TJP2: variants seen among roughly 807,000 people sequenced by gnomAD.
The protein encoded by TJP2 is tight junction protein 2, also known as Friedreich ataxia region gene X104 (tight junction protein ZO-2).
Under a neutral mutation model 133.1 loss-of-function variants are expected in TJP2, and 91 were observed. That is an observed-to-expected ratio of 0.68 (90% confidence interval 0.58 to 0.81). The LOEUF (loss-of-function observed/expected upper bound fraction) is 0.81, where lower values mean the gene tolerates loss of function less well. Ranked by LOEUF, TJP2 falls within the 40% of genes least tolerant of loss-of-function variation. The pLI is 0.00. For missense variants in TJP2, 1,541 were observed against 1,565.6 expected (o/e 0.98, Z 0.26); for synonymous variants, 592 against 583.4 (o/e 1.01, Z -0.21).
At chr9:69,226,261 T>A in intron 7 of TJP2, 86 bp downstream of exon 7, 1 of 1,491,932 alleles carries the variant, frequency 6.7e-7, no homozygotes, top group Non-Finnish European at 9.2e-7. Context: ...GCTATCCAGC[T>A]GGAAGTTAAA....
chr9:69,249,590 A>T, intron 20 of TJP2, 105 bp downstream of exon 20: 1 of 1,544,556 alleles, frequency 6.5e-7, no homozygotes, highest in South Asian at 1.2e-5. Flanking sequence ...GTGTTTAATT[A>T]CGGTTCTGAC....
chr9:69,230,691 G>T (rs531698332), intron 11 of TJP2, among the ~76,000 whole-genome samples: 1 of 152,140 alleles, frequency 6.6e-6, no homozygotes, highest in African/African-American at 2.4e-5. Flanking sequence ...CTGTGACCCT[G>T]GTTCACCCTG....
chr9:69,233,481 C>A (rs1037788058), intron 11 of TJP2, among the ~76,000 whole-genome samples: 3 of 152,090 alleles, frequency 2.0e-5, no homozygotes, highest in Admixed American at 6.6e-5. Context: ...CTGAAAGATA[C>A]AGAACTATGG....
At chr9:69,224,609 AG>A (rs1223002646) in intron 5 of TJP2, among the ~76,000 whole-genome samples, 7 of 152,216 alleles carry the variant, frequency 4.6e-5, no homozygotes, top group East Asian at 3.9e-4. Context: ...CCTGGGAGGC[AG>A]AGGTTGCAGT....
intron 2 of TJP2, among the ~76,000 whole-genome samples, chr9:69,164,487 G>A (rs1824245049): frequency 6.6e-6 from 1 of 152,082 alleles, no homozygotes; most frequent in Admixed American, 6.6e-5. Context: ...TATTTTGGGG[G>A]TGAAGGGAGC....
At chr9:69,157,673 A>G (rs1298444696) in intron 2 of TJP2, among the ~76,000 whole-genome samples, 1 of 152,050 alleles carries the variant, frequency 6.6e-6, no homozygotes, top group Non-Finnish European at 1.5e-5. Flanking sequence ...CATTTTGGCC[A>G]GGCTCTAACT....
intron 5 of TJP2, among the ~76,000 whole-genome samples, chr9:69,223,045 G>A (rs1045315805): frequency 5.5e-5 from 6 of 108,218 alleles, no homozygotes; most frequent in Non-Finnish European, 1.2e-4. Context: ...CTCCAGCCTG[G>A]GTGACAGAGC....
At chr9:69,173,971 A>AGGCG, upstream of TJP2, 1 of 985,204 alleles carries the variant, frequency 1.0e-6, no homozygotes. Context: ...GGAGGGGTGC[A>AGGCG]GGCGTGGGGG....
chr9:69,249,334 C>T, intron 19 of TJP2, 41 bp from the exon 20 acceptor site: 4 of 1,570,790 alleles, frequency 2.5e-6, no homozygotes, highest in Non-Finnish European at 3.5e-6. Flanking sequence ...GTTCTCTCTG[C>T]TTGGATGTTC....
chr9:69,197,580 A>G (rs1826678500), intron 1 of TJP2, among the ~76,000 whole-genome samples: 1 of 152,164 alleles, frequency 6.6e-6, no homozygotes, highest in African/African-American at 2.4e-5. Flanking sequence ...CTTACTTGGG[A>G]GTGGTCAGCT....
At chr9:69,160,482 T>C (rs529334999) in intron 2 of TJP2, among the ~76,000 whole-genome samples, 1 of 152,310 alleles carries the variant, frequency 6.6e-6, no homozygotes, top group South Asian at 2.1e-4. Context: ...TTCACTACTC[T>C]AGGAATGTGG....
At chr9:69,181,904 T>G (rs1374048603) in intron 1 of TJP2, among the ~76,000 whole-genome samples, 1 of 152,186 alleles carries the variant, frequency 6.6e-6, no homozygotes, top group Non-Finnish European at 1.5e-5. Context: ...TGGATTCTCT[T>G]CCTTACTTTG....
intron 15 of TJP2, 103 bp from the exon 16 acceptor site, chr9:69,238,607 C>T: frequency 2.3e-6 from 2 of 869,896 alleles, no homozygotes; most frequent in South Asian, 1.4e-5. Flanking sequence ...TGTTAGGAGA[C>T]ACTTAATGTC....
intron 1 of TJP2, among the ~76,000 whole-genome samples, chr9:69,193,795 C>T (rs558206399): frequency 6.6e-6 from 1 of 151,230 alleles, no homozygotes; most frequent in Non-Finnish European, 1.5e-5. Context: ...TACAGGAAAC[C>T]TCACCTTTCC....
At chr9:69,205,873 C>T (rs1563907520) in intron 1 of TJP2, among the ~76,000 whole-genome samples, 1 of 152,008 alleles carries the variant, frequency 6.6e-6, no homozygotes, top group Non-Finnish European at 1.5e-5. Context: ...GTGAACACTT[C>T]GGTATCTGTT....
At chr9:69,227,371 C>T (rs570061890) in intron 7 of TJP2, among the ~76,000 whole-genome samples, 2 of 152,160 alleles carry the variant, frequency 1.3e-5, no homozygotes, top group Non-Finnish European at 2.9e-5. Flanking sequence ...ATTGCAGAAT[C>T]TCAGTCTCCC....
chr9:69,151,961 T>G (rs1040345685), intron 2 of TJP2, among the ~76,000 whole-genome samples: 2 of 152,210 alleles, frequency 1.3e-5, no homozygotes, highest in African/African-American at 4.8e-5. Context: ...TTACCTGAAT[T>G]AATGGACTGA....
In TJP2 at chr9:69,221,170, A is replaced by G. The variant is rs886196617; in HGVS notation, c.626A>G (p.His209Arg). 7.5e-6 allele frequency: 12 copies of G among 1,595,294 alleles called. No homozygotes were observed. Among genetic ancestry groups the G allele is most frequent in the South Asian group, 1.1e-5 (1 of 89,182 alleles). The change falls in exon 5 of 23, where the codon CAT (histidine) becomes CGT (arginine). Residue 209 changes from histidine to arginine, a missense_variant. Physicochemically the swap from His to Arg is conservative, Grantham distance 29 (BLOSUM62 0). Coordinates refer to ENST00000377245, the MANE Select transcript of TJP2 (RefSeq NM_004817.4). ...CTGGAGCGGGGCCTGGACCAAGACC[A>G]TGCGCGCACCCGAGACCGCAGCCGT... ...RSLERGLDQD[H>R]ARTRDRSRGR...
At chr9:69,216,275 T>A in intron 2 of TJP2, 64 bp from the exon 3 acceptor site, 4 of 1,600,282 alleles carry the variant, frequency 2.5e-6, no homozygotes, top group Non-Finnish European at 8.6e-7. Flanking sequence ...TATTGAGTGC[T>A]TGTAATAAAT....
Sources: allele counts gnomAD v4.1 joint callset (sites outside exome capture counted in the v4.1 genomes callset), GRCh38; gene constraint gnomAD v4.1.1; transcripts MANE v1.5; gene names NCBI Gene and HGNC (gene_info 2026-07-23, HGNC 2026-07-21).